FNDC3A: variants seen among roughly 807,000 people sequenced by gnomAD.
The protein encoded by FNDC3A is fibronectin type-III domain-containing protein 3A.
A neutral mutation model predicts 148.9 loss-of-function variants in FNDC3A; 32 were observed. The observed-to-expected ratio is 0.21, with a 90% confidence interval of 0.16 to 0.29. FNDC3A has a LOEUF of 0.29. Ranked by LOEUF, FNDC3A falls within the 10% of genes least tolerant of loss-of-function variation. The probability of loss-of-function intolerance (pLI) is 1.00; values close to 1 mark genes in which losing one functional copy is unlikely to be tolerated. For synonymous variants in FNDC3A, 472 were observed against 473.6 expected (o/e 1.00, Z 0.04); for missense variants, 1,191 against 1,452.8 (o/e 0.82, Z 2.93).
At chr13:49,126,457 T>G (rs1881706949) in intron 4 of FNDC3A, among the ~76,000 whole-genome samples, 1 of 152,174 alleles carries the variant, frequency 6.6e-6, no homozygotes, top group African/African-American at 2.4e-5. Flanking sequence ...AGCTCTCCAT[T>G]TTCCTCTCCC....
chr13:49,196,200 G>A (rs149198598), intron 19 of FNDC3A, among the ~76,000 whole-genome samples: 42 of 151,904 alleles, frequency 2.8e-4, no homozygotes, highest in African/African-American at 9.2e-4. Flanking sequence ...ATAATGATGC[G>A]CCACTGTTAA....
intron 2 of FNDC3A, among the ~76,000 whole-genome samples, chr13:49,066,213 A>G (rs1163882207): frequency 1.3e-5 from 2 of 152,230 alleles, no homozygotes; most frequent in African/African-American, 4.8e-5. Flanking sequence ...GGTTATTAAA[A>G]TAGTCATTTG....
intron 4 of FNDC3A, among the ~76,000 whole-genome samples, chr13:49,125,807 A>G (rs1313088732): frequency 1.3e-5 from 2 of 152,078 alleles, no homozygotes; most frequent in Non-Finnish European, 2.9e-5. Context: ...TGTCAGATAC[A>G]GTTTCCTTTC....
intron 2 of FNDC3A, among the ~76,000 whole-genome samples, chr13:49,008,452 A>T (rs1952266908): frequency 3.4e-5 from 1 of 29,390 alleles, no homozygotes; most frequent in Non-Finnish European, 6.7e-5. Flanking sequence ...ACTGTTCCTG[A>T]CAGATGGAAG....
At chr13:49,178,750 T>G (rs971446674) in intron 14 of FNDC3A, 96 bp downstream of exon 14, 9 of 685,422 alleles carry the variant, frequency 1.3e-5, no homozygotes, top group African/African-American at 1.9e-5. Context: ...TTGTTTGTTT[T>G]TTGAGACGGG....
At chr13:49,025,901 A>C (rs1162294136) in intron 2 of FNDC3A, among the ~76,000 whole-genome samples, 1 of 152,182 alleles carries the variant, frequency 6.6e-6, no homozygotes, top group Non-Finnish European at 1.5e-5. Flanking sequence ...GTATCTTCCA[A>C]ATCCAACACA....
At chr13:49,017,871 G>C (rs1327126719) in intron 2 of FNDC3A, among the ~76,000 whole-genome samples, 1 of 151,950 alleles carries the variant, frequency 6.6e-6, no homozygotes, top group Non-Finnish European at 1.5e-5. Flanking sequence ...AGCTTAGTTT[G>C]GCTGGATATG....
intron 2 of FNDC3A, among the ~76,000 whole-genome samples, chr13:49,017,599 A>T (rs560172333): frequency 6.6e-6 from 1 of 152,106 alleles, no homozygotes; most frequent in East Asian, 1.9e-4. Context: ...TAGTCCATTT[A>T]CATTTAAAGT....
At chr13:49,176,545 T>A (rs570906946) in intron 13 of FNDC3A, among the ~76,000 whole-genome samples, 2 of 152,254 alleles carry the variant, frequency 1.3e-5, no homozygotes, top group Admixed American at 1.3e-4. Context: ...GATGGGTTGA[T>A]GGGTGCAGCA....
chr13:49,015,896 G>A (rs1207728353), intron 2 of FNDC3A, among the ~76,000 whole-genome samples: 4 of 151,488 alleles, frequency 2.6e-5, no homozygotes, highest in African/African-American at 9.7e-5. Flanking sequence ...TTTATATGCT[G>A]GATTACATTT....
chr13:49,178,200 C>T (rs923566997), intron 13 of FNDC3A, among the ~76,000 whole-genome samples: 2 of 152,174 alleles, frequency 1.3e-5, no homozygotes, highest in Non-Finnish European at 1.5e-5. Context: ...TAACTACTTA[C>T]AGTTCTATTC....
In FNDC3A at chr13:49,172,025, T is replaced by G; in HGVS notation, c.1177-18T>G. ...TGTACTAATTTGTTTTCATTTTGTTTTTTGGTGTTGGTTTTAGGCACCTAG... is the reference window on the plus strand; with the variant it reads ...TGTACTAATTTGTTTTCATTTTGTTGTTTGGTGTTGGTTTTAGGCACCTAG... On this transcript the variant is annotated intron_variant, in intron 10 of 25. Transcript: ENST00000492622. 6.3e-7 allele frequency: 1 copy of G among 1,589,016 alleles called. No individual in the cohort carries two copies. Among genetic ancestry groups the G allele is most frequent in the Non-Finnish European group, 8.6e-7 (1 of 1,161,776 alleles).
chr13:49,132,370 C>G (rs1045069225), intron 5 of FNDC3A, among the ~76,000 whole-genome samples: 5 of 152,092 alleles, frequency 3.3e-5, no homozygotes, highest in Non-Finnish European at 7.4e-5. Context: ...AATCCTAAAC[C>G]CTTCCCCTAG....
At chr13:49,193,040 T>C (rs1052183475) in intron 19 of FNDC3A, among the ~76,000 whole-genome samples, 1 of 152,214 alleles carries the variant, frequency 6.6e-6, no homozygotes, top group Non-Finnish European at 1.5e-5. Flanking sequence ...TGGAAAACTT[T>C]TTTTAATCCC....
intron 2 of FNDC3A, among the ~76,000 whole-genome samples, chr13:49,063,810 A>G (rs1877063897): frequency 6.6e-6 from 1 of 152,172 alleles, no homozygotes; most frequent in South Asian, 2.1e-4. Flanking sequence ...TTCTTTTCTC[A>G]GTAATATAAA....
At position 49,132,538 on chromosome 13, in the gene FNDC3A, C is replaced by T. The variant is rs539436491; in HGVS notation, c.490+1164C>T. Among the ~76,000 whole-genome samples, 3 of 152,302 alleles carry T rather than the reference C, an allele frequency of 2.0e-5. No individual in the cohort carries two copies. In the East Asian group the frequency reaches 5.8e-4, roughly 29 times the overall value. Reference sequence around the variant, plus strand: ...ACAGTTGTAGCACACAACTCTGACACAACATTTTAAATATTCTGACATCTA... The same window carrying T: ...ACAGTTGTAGCACACAACTCTGACATAACATTTTAAATATTCTGACATCTA... On this transcript the variant is annotated intron_variant, in intron 5 of 25. Coordinates refer to ENST00000492622, the MANE Select transcript of FNDC3A (RefSeq NM_001079673.2).
chr13:49,187,568 A>C, intron 16 of FNDC3A: 1 of 1,610,890 alleles, frequency 6.2e-7, no homozygotes, highest in Non-Finnish European at 8.5e-7. Context: ...AGTAACGACC[A>C]CTTGTTTTCC....
intron 17 of FNDC3A, among the ~76,000 whole-genome samples, chr13:49,189,364 G>A (rs907946847): frequency 1.3e-5 from 2 of 152,036 alleles, no homozygotes; most frequent in African/African-American, 2.4e-5. Flanking sequence ...TGTATTTTTA[G>A]TAGAGACGGG....
chr13:49,158,091 A>T (rs950722945), intron 8 of FNDC3A, among the ~76,000 whole-genome samples: 16 of 152,338 alleles, frequency 1.1e-4, no homozygotes, highest in South Asian at 2.1e-4. Flanking sequence ...TAAGCAAGCC[A>T]GGGCAATGGC....
Sources: gnomAD v4.1 joint callset for allele counts (sites outside exome capture counted in the v4.1 genomes callset) on GRCh38, gnomAD v4.1.1 for gene constraint, MANE v1.5 for transcripts, NCBI Gene and HGNC (gene_info 2026-07-23, HGNC 2026-07-21) for gene names.